SPATA22: variants seen among roughly 807,000 people sequenced by gnomAD.
The protein encoded by SPATA22 is spermatogenesis-associated protein 22.
A neutral mutation model predicts 47.8 loss-of-function variants in SPATA22; 29 were observed. The observed-to-expected ratio is 0.61, with a 90% CI of 0.45 to 0.83. The LOEUF (loss-of-function observed/expected upper bound fraction) is 0.83, where lower values mean the gene tolerates loss of function less well. Among genes scored for constraint, SPATA22 ranks in the 40% least tolerant of loss-of-function variants. The pLI, the probability that SPATA22 is intolerant of heterozygous loss-of-function variation, is 0.00. For synonymous variants in SPATA22, 133 were observed against 140.9 expected (o/e 0.94, Z 0.40); for missense variants, 410 against 421.7 (o/e 0.97, Z 0.24).
At position 3,453,238 on chromosome 17, in the gene SPATA22, A is replaced by G. The variant is rs140255732; in HGVS notation, c.330-4089T>C. On this transcript the variant is annotated intron_variant, in intron 5 of 8. Coordinates refer to ENST00000572969, the MANE Select transcript of SPATA22 (RefSeq NM_001170698.2). ...ATACTTCAAACCTTAGCATCACACA[A>G]TATTCCCATGTAAACAAATCTGCAC... Among the ~76,000 whole-genome samples the G allele has an allele frequency of 2.3e-3, 349 of 152,340 alleles. 3 individuals are homozygous for G. Among genetic ancestry groups the G allele is most frequent in the African/African-American group, 7.4e-3 (309 of 41,574 alleles).
intron 2 of SPATA22, 24 bp from the exon 3 acceptor site, chr17:3,467,578 T>G: frequency 6.3e-7 from 1 of 1,580,398 alleles, no homozygotes; most frequent in African/African-American, 1.3e-5. Flanking sequence ...ACCAATAAAT[T>G]AGTACATAAT....
chr17:3,476,206 T>C (rs769653717), upstream of SPATA22: 6 of 1,614,112 alleles, frequency 3.7e-6, no homozygotes, highest in African/African-American at 1.3e-5. Flanking sequence ...AAGGTTGCTA[T>C]CTTTGGAGGA....
chr17:3,447,629 T>A (rs1230766956), intron 6 of SPATA22, among the ~76,000 whole-genome samples: 1 of 152,186 alleles, frequency 6.6e-6, no homozygotes, highest in Non-Finnish European at 1.5e-5. Flanking sequence ...GATTGCTTTT[T>A]CAGACATAAG....
chr17:3,465,390 A>T (rs982784097), intron 3 of SPATA22, among the ~76,000 whole-genome samples: 1 of 151,844 alleles, frequency 6.6e-6, no homozygotes, highest in African/African-American at 2.4e-5. Flanking sequence ...GTGTCAGTGT[A>T]GAAAGAAGTA....
At chr17:3,476,953 A>G (rs1006811538) in intron 1 of SPATA22, among the ~76,000 whole-genome samples, 2 of 152,220 alleles carry the variant, frequency 1.3e-5, no homozygotes, top group African/African-American at 4.8e-5. Context: ...CAGGAGATCG[A>G]GACCATCCTG....
intron 1 of SPATA22, among the ~76,000 whole-genome samples, chr17:3,489,522 G>T (rs1054072139): frequency 6.6e-6 from 1 of 152,038 alleles, no homozygotes; most frequent in African/African-American, 2.4e-5. Flanking sequence ...GCCAAATAAA[G>T]ACTCCACATT....
chr17:3,503,062 T>C, intron 1 of SPATA22: 1 of 152,220 alleles, frequency 6.6e-6, no homozygotes, highest in Non-Finnish European at 1.5e-5. Context: ...CCCCTCCCTC[T>C]CCAGCCCCAC....
At chr17:3,470,124 C>T (rs1400493407) in intron 1 of SPATA22, among the ~76,000 whole-genome samples, 4 of 141,610 alleles carry the variant, frequency 2.8e-5, no homozygotes, top group African/African-American at 1.1e-4. Flanking sequence ...AAGACTAAGT[C>T]CTCCCTTCAT....
intron 1 of SPATA22, among the ~76,000 whole-genome samples, chr17:3,495,017 C>A (rs1050031811): frequency 3.9e-5 from 6 of 152,090 alleles, no homozygotes; most frequent in African/African-American, 1.4e-4. Flanking sequence ...CTTCTGCCAC[C>A]ATTCCCCAAC....
chr17:3,442,938 TGAGAGA>T (rs2072629276), intron 8 of SPATA22, among the ~76,000 whole-genome samples: 1 of 151,930 alleles, frequency 6.6e-6, no homozygotes, highest in Admixed American at 6.6e-5. Flanking sequence ...TTACAAACTC[TGAGAGA>T]AAGAGCCATT....
At chr17:3,481,753 G>C in intron 1 of SPATA22, 1 of 1,612,856 alleles carries the variant, frequency 6.2e-7, no homozygotes, top group Admixed American at 1.7e-5. Flanking sequence ...TTATTCTTGA[G>C]GATTCCAGGA....
At position 3,488,501 on chromosome 17, in the gene SPATA22, A is replaced by G. The variant is rs907785272; in HGVS notation, c.-73-19103T>C. Reference sequence around the variant, plus strand: ...GTGAAACCCTGCCTCTACTAAAAATATAAAAATAAGCCAGGAATGGTGGCC... The same window carrying G: ...GTGAAACCCTGCCTCTACTAAAAATGTAAAAATAAGCCAGGAATGGTGGCC... On this transcript the variant is annotated intron_variant, in intron 1 of 8. Transcript: ENST00000541913. This position sits in a 1 kb window ranked among gnomAD's most constrained non-coding sequence, Gnocchi z 6.1. 2.6e-5 allele frequency among the ~76,000 whole-genome samples: 4 copies of G among 152,160 alleles called. No individual in the cohort carries two copies. The highest frequency in any genetic ancestry group is 4.4e-5 in the Non-Finnish European group (3 of 68,030).
chr17:3,481,645 T>C lies in SPATA22; in HGVS notation c.-73-12247A>G, dbSNP rs144639820. ...ATTTGCCATATGAAGTGAGAAGGGCTCAAGAAATAAATCATTTATTTGGTC... is the reference window on the plus strand; with the variant it reads ...ATTTGCCATATGAAGTGAGAAGGGCCCAAGAAATAAATCATTTATTTGGTC... On this transcript the variant is annotated intron_variant, in intron 1 of 8. Coordinates refer to the SPATA22 transcript ENST00000541913. The C allele has an allele frequency of 8.1e-5, 131 of 1,613,836 alleles. 2 individuals carry two copies. In the African/African-American group the frequency reaches 1.5e-3, roughly 19 times the overall value.
chr17:3,440,416 A>G, intron 8 of SPATA22, 78 bp from the exon 9 acceptor site: 10 of 1,251,724 alleles, frequency 8.0e-6, no homozygotes, highest in Non-Finnish European at 1.1e-5. Context: ...TTATGTGATC[A>G]ACTAAACATG....
In SPATA22 at chr17:3,440,041, A is replaced by T; in HGVS notation, c.*106T>A. The T allele has an allele frequency of 3.0e-6, 2 of 672,002 alleles. No individual in the cohort carries two copies. The highest frequency in any genetic ancestry group is 4.6e-6 in the Non-Finnish European group (2 of 435,182). 41.6% of individuals were successfully genotyped at this position (672,002 alleles called of 1,614,324 possible). A position where few individuals can be genotyped will look rare whatever the true frequency, so the allele number is the denominator to read the frequency against. The stretch of plus-strand genomic sequence containing the variant: ...ACATTTAAAAGAATTCAAATACTTT[A>T]ATTCAACAAGTGAAATACAATAGTA... On this transcript the variant is annotated 3_prime_UTR_variant, in exon 9 of 9. Transcript: ENST00000572969.
intron 1 of SPATA22, chr17:3,483,682 A>T: frequency 7.7e-7 from 1 of 1,298,018 alleles, no homozygotes; most frequent in Non-Finnish European, 1.1e-6. Flanking sequence ...TTTATTTTTG[A>T]GACAGAGTCT....
chr17:3,458,551 T>C (rs115925058), intron 5 of SPATA22, among the ~76,000 whole-genome samples: 3,561 of 152,114 alleles, frequency 0.023, 112 homozygotes, highest in African/African-American at 0.072. Context: ...TTATTCACAA[T>C]AGCCAAGAGG....
At chr17:3,479,628 C>T (rs893379826) in intron 1 of SPATA22, among the ~76,000 whole-genome samples, 5 of 152,048 alleles carry the variant, frequency 3.3e-5, no homozygotes, top group African/African-American at 1.2e-4. Flanking sequence ...GCCCTTTCCA[C>T]CTTCCCCCTG....
intron 1 of SPATA22, among the ~76,000 whole-genome samples, chr17:3,491,877 C>CTATT (rs1555540279): frequency 8.1e-6 from 1 of 123,062 alleles, no homozygotes; most frequent in East Asian, 2.4e-4. Context: ...CTTTTGTTTT[C>CTATT]TTTTTTTTTT....
Sources: allele counts gnomAD v4.1 joint callset (sites outside exome capture counted in the v4.1 genomes callset), GRCh38; gene constraint gnomAD v4.1.1; non-coding constraint Gnocchi (gnomAD v3.1); transcripts MANE v1.5; gene names NCBI Gene and HGNC (gene_info 2026-07-23, HGNC 2026-07-21).